GPHN: variants seen among roughly 807,000 people sequenced by gnomAD.
GPHN encodes the protein gephyrin.
Under a neutral mutation model 95.5 loss-of-function variants are expected in GPHN, and 17 were observed. The ratio of observed to expected loss-of-function variants is 0.18; its 90% CI spans 0.12 to 0.27. GPHN has a LOEUF of 0.27. Ranked by LOEUF, GPHN falls within the 10% of genes least tolerant of loss-of-function variation. The pLI, the probability that GPHN is intolerant of heterozygous loss-of-function variation, is 1.00. For synonymous variants in GPHN, 320 were observed against 322.5 expected (o/e 0.99, Z 0.08); for missense variants, 660 against 978.1 (o/e 0.67, Z 4.34).
chr14:67,473,470 C>T, the GPHN span: 1 of 1,614,172 alleles, frequency 6.2e-7, no homozygotes, highest in Non-Finnish European at 8.5e-7. This position sits in a 1 kb window ranked among gnomAD's most constrained non-coding sequence, Gnocchi z 6.5. Context: ...CCGCTGGGCT[C>T]CCCGGGCTCA....
At chr14:66,653,962 G>A (rs1242048332) in intron 1 of GPHN, among the ~76,000 whole-genome samples, 2 of 152,084 alleles carry the variant, frequency 1.3e-5, no homozygotes, top group Non-Finnish European at 2.9e-5. Flanking sequence ...GAGTTGGCAT[G>A]GTAATTGCCT....
the GPHN span, among the ~76,000 whole-genome samples, chr14:67,422,566 T>C: frequency 6.6e-6 from 1 of 152,350 alleles, no homozygotes; most frequent in East Asian, 1.9e-4. Flanking sequence ...GATCTTTCTA[T>C]TCCTTTCCAC....
intron 2 of GPHN, among the ~76,000 whole-genome samples, chr14:66,723,267 A>G (rs943773974): frequency 5.6e-5 from 8 of 143,838 alleles, no homozygotes; most frequent in Non-Finnish European, 1.2e-4. Context: ...TTATGAATAT[A>G]ATTTATAAAA....
the GPHN span, chr14:67,271,366 A>G: frequency 6.6e-6 from 1 of 152,230 alleles, no homozygotes; most frequent in Admixed American, 6.5e-5. Context: ...TATACTGCCT[A>G]GGTTCATATT....
the GPHN span, among the ~76,000 whole-genome samples, chr14:67,449,084 A>G: frequency 0.48 from 72,775 of 152,100 alleles, 19,437 homozygotes; most frequent in African/African-American, 0.72. Context: ...CCTTTTAGGA[A>G]GGGAGAAGCT....
chr14:66,929,853 A>C (rs1182693670), intron 8 of GPHN, among the ~76,000 whole-genome samples: 1 of 151,966 alleles, frequency 6.6e-6, no homozygotes, highest in Non-Finnish European at 1.5e-5. Context: ...CTGGGATTAC[A>C]GGCGCCCGCC....
At chr14:66,596,199 A>G (rs1313169429) in intron 1 of GPHN, among the ~76,000 whole-genome samples, 3 of 151,902 alleles carry the variant, frequency 2.0e-5, no homozygotes, top group Admixed American at 6.6e-5. Context: ...CAGGGTTTCT[A>G]TGGGCTTCAG....
chr14:66,874,549 A>G (rs2063571140), intron 4 of GPHN, among the ~76,000 whole-genome samples: 2 of 152,234 alleles, frequency 1.3e-5, no homozygotes, highest in African/African-American at 4.8e-5. Context: ...TAACCAGTTT[A>G]GAGAAGAACA....
intron 8 of GPHN, among the ~76,000 whole-genome samples, chr14:66,950,417 C>A (rs1419071738): frequency 6.6e-6 from 1 of 152,124 alleles, no homozygotes; most frequent in Non-Finnish European, 1.5e-5. Context: ...CTCAATTTCC[C>A]CTATTTTCTC....
At chr14:66,802,505 C>G (rs2060394558) in intron 3 of GPHN, among the ~76,000 whole-genome samples, 1 of 152,124 alleles carries the variant, frequency 6.6e-6, no homozygotes, top group Non-Finnish European at 1.5e-5. Flanking sequence ...TTCACTTTTC[C>G]TTCTGCTTTT....
the GPHN span, among the ~76,000 whole-genome samples, chr14:67,491,301 A>G: frequency 6.6e-6 from 1 of 152,142 alleles, no homozygotes; most frequent in African/African-American, 2.4e-5. Flanking sequence ...AAACCTATCA[A>G]ATCTTATTCA....
At chr14:67,366,081 CT>C in the GPHN span, among the ~76,000 whole-genome samples, 5,892 of 140,848 alleles carry the variant, frequency 0.042, 125 homozygotes, top group East Asian at 0.061. Flanking sequence ...TAATCTTGTA[CT>C]TTTTTTTTTT....
intron 2 of GPHN, among the ~76,000 whole-genome samples, chr14:66,693,347 A>G (rs897702449): frequency 1.3e-5 from 2 of 152,222 alleles, no homozygotes; most frequent in Non-Finnish European, 2.9e-5. Flanking sequence ...CTCAAACTGG[A>G]CAATAATGAT....
intron 4 of GPHN, among the ~76,000 whole-genome samples, chr14:66,845,023 G>A (rs2062261087): frequency 6.6e-6 from 1 of 152,054 alleles, no homozygotes; most frequent in African/African-American, 2.4e-5. Flanking sequence ...AATGTTTTCA[G>A]GGTTCATTTA....
At chr14:67,312,189 A>G in the GPHN span, 14,343 of 163,794 alleles carry the variant, frequency 0.088, 1,232 homozygotes, top group African/African-American at 0.23. Context: ...CATATCTGCA[A>G]GTCAACAGAG....
At chr14:66,880,391 TA>T (rs2063874609) in intron 5 of GPHN, among the ~76,000 whole-genome samples, 1 of 151,878 alleles carries the variant, frequency 6.6e-6, no homozygotes, top group African/African-American at 2.4e-5. Flanking sequence ...CTTGTTAAGT[TA>T]AACTTTCAGA....
intron 1 of GPHN, among the ~76,000 whole-genome samples, chr14:66,613,208 G>A (rs2062858220): frequency 6.6e-6 from 1 of 152,006 alleles, no homozygotes; most frequent in Non-Finnish European, 1.5e-5. Context: ...GTGTGTTTCT[G>A]TTTAAAGGCA....
In GPHN at chr14:66,733,056, A is replaced by C. The variant is rs1334483051; in HGVS notation, c.144-43408A>C. ...TCTTGAATTGTGATCCCCATGAGTCAAGGGAGGGAGCTGTAATCTCCATGT... is the reference window on the plus strand; with the variant it reads ...TCTTGAATTGTGATCCCCATGAGTCCAGGGAGGGAGCTGTAATCTCCATGT... On this transcript the variant is annotated intron_variant, in intron 2 of 22. Transcript: ENST00000478722. 2.6e-5 allele frequency among the ~76,000 whole-genome samples: 4 copies of C among 152,250 alleles called. No homozygotes were observed. The East Asian group carries it at 5.8e-4, about 22-fold the overall frequency.
chr14:67,529,274 T>A, the GPHN span, among the ~76,000 whole-genome samples: 2 of 152,124 alleles, frequency 1.3e-5, no homozygotes. Flanking sequence ...ACTGAACAGA[T>A]TATTTGCAGT....
Sources: allele counts gnomAD v4.1 joint callset (sites outside exome capture counted in the v4.1 genomes callset), GRCh38; gene constraint gnomAD v4.1.1; non-coding constraint Gnocchi (gnomAD v3.1); transcripts MANE v1.5; gene names NCBI Gene and HGNC (gene_info 2026-07-23, HGNC 2026-07-21).